Variants in DDX10 observed in about 807,000 individuals in gnomAD.
DDX10 encodes probable ATP-dependent RNA helicase DDX10.
A neutral mutation model predicts 104.3 loss-of-function variants in DDX10; 74 were observed. That is an observed-to-expected ratio of 0.71 (90% CI 0.59 to 0.86). The LOEUF (loss-of-function observed/expected upper bound fraction) is 0.86. DDX10 is among the 40% of genes least tolerant of loss of function. The probability of loss-of-function intolerance (pLI) is 0.00; values close to 1 mark genes in which losing one functional copy is unlikely to be tolerated. For synonymous variants in DDX10, 351 were observed against 353.4 expected, an observed-to-expected ratio of 0.99 and a Z score of 0.08; for missense variants, 952 against 1,040.0, an observed-to-expected ratio of 0.92 and a Z score of 1.16.
chr11:108,730,066 C>T (rs1713123887), intron 13 of DDX10: 2 of 152,768 alleles, frequency 1.3e-5, no homozygotes, highest in South Asian at 4.1e-4. Flanking sequence ...AGAGTAAAAG[C>T]TTACCTTCCA....
intron 14 of DDX10, among the ~76,000 whole-genome samples, chr11:108,839,078 A>G (rs963627485): frequency 2.6e-5 from 4 of 152,234 alleles, no homozygotes; most frequent in Non-Finnish European, 4.4e-5. Context: ...TATTGTAAAT[A>G]CATACCCATA....
chr11:108,719,980 G>C, intron 12 of DDX10, 95 bp downstream of exon 12: 1 of 817,628 alleles, frequency 1.2e-6, no homozygotes, highest in East Asian at 2.7e-5. Flanking sequence ...TGTTGCCCAG[G>C]CTGTCTCAAA....
At chr11:108,824,077 C>G (rs1296483358) in intron 13 of DDX10, among the ~76,000 whole-genome samples, 1 of 152,150 alleles carries the variant, frequency 6.6e-6, no homozygotes, top group African/African-American at 2.4e-5. Flanking sequence ...GGGTCTTGCT[C>G]TGTGTCCCAG....
At position 108,938,085 on chromosome 11, in the gene DDX10, T is replaced by G. The variant is rs560422297; in HGVS notation, c.2451-2161T>G. 4.6e-5 allele frequency among the ~76,000 whole-genome samples: 7 copies of G among 152,304 alleles called. No homozygotes were observed. The South Asian group carries it at 1.5e-3, about 32-fold the overall frequency. On this transcript the variant is annotated intron_variant, in intron 17 of 17. Coordinates refer to ENST00000322536, the MANE Select transcript of DDX10 (RefSeq NM_004398.4). ...CTCGGCTTAGTGGAGAACACTAATT[T>G]CACTCCTTTTTCGACCTCTATTGCA... is the stretch of plus-strand genomic sequence containing the variant.
chr11:108,903,790 T>C (rs982506226), intron 16 of DDX10, among the ~76,000 whole-genome samples: 2 of 152,158 alleles, frequency 1.3e-5, no homozygotes, highest in South Asian at 4.1e-4. Flanking sequence ...TTCCATCGTA[T>C]GGGTAGCCCA....
intron 13 of DDX10, among the ~76,000 whole-genome samples, chr11:108,749,869 T>C (rs1366220879): frequency 6.6e-6 from 1 of 152,200 alleles, no homozygotes; most frequent in African/African-American, 2.4e-5. Flanking sequence ...AGCTGTATTT[T>C]ACTGAAATTT....
intron 13 of DDX10, among the ~76,000 whole-genome samples, chr11:108,729,674 AG>A (rs1453208165): frequency 6.6e-6 from 1 of 152,016 alleles, no homozygotes; most frequent in Non-Finnish European, 1.5e-5. Flanking sequence ...ACATCAGGCC[AG>A]GCATAGTGGC....
rs368030768 is a variant in DDX10, at chr11:108,691,998, T to C, written c.1098T>C (p.Ala366=). ...ATAATGAGTTTGTCCGTAAGAGAGC[T>C]GCAGTACTCTTTGCTACTGATATTG... The part of the protein sequence containing the change: ...EVYNEFVRKR[A]AVLFATDIAA... The change falls in exon 8 of 18, where the codon GCT becomes GCC. Residue 366 remains alanine (A), a synonymous_variant. Coordinates refer to ENST00000322536, the MANE Select transcript of DDX10 (RefSeq NM_004398.4). 9 of 1,613,642 alleles carry C rather than the reference T, an allele frequency of 5.6e-6. No individual in the cohort carries two copies. The African/African-American group carries it at 1.2e-4, about 22-fold the overall frequency.
intron 13 of DDX10, among the ~76,000 whole-genome samples, chr11:108,789,396 G>A (rs953584453): frequency 2.6e-5 from 4 of 152,138 alleles, no homozygotes; most frequent in African/African-American, 4.8e-5. Context: ...TTAAAAACTC[G>A]TGAAAGATGT....
intron 1 of DDX10, among the ~76,000 whole-genome samples, chr11:108,668,305 C>T (rs2094212600): frequency 6.6e-6 from 1 of 152,132 alleles, no homozygotes; most frequent in Non-Finnish European, 1.5e-5. Flanking sequence ...AGTCTGATAC[C>T]AGTGCACCAA....
At chr11:108,929,495 C>A (rs1863950133) in intron 17 of DDX10, 2 of 152,208 alleles carry the variant, frequency 1.3e-5, no homozygotes, top group Non-Finnish European at 2.9e-5. Flanking sequence ...TTAGGAGATT[C>A]CTTGGCTGCT....
intron 13 of DDX10, among the ~76,000 whole-genome samples, chr11:108,752,644 C>T (rs1365677161): frequency 6.6e-6 from 1 of 152,056 alleles, no homozygotes; most frequent in Non-Finnish European, 1.5e-5. Context: ...GCCAGATTGC[C>T]ACATGCCATG....
At chr11:108,900,843 G>T (rs1863508128) in intron 16 of DDX10, among the ~76,000 whole-genome samples, 1 of 152,142 alleles carries the variant, frequency 6.6e-6, no homozygotes, top group Non-Finnish European at 1.5e-5. Context: ...AAAGAAGGGT[G>T]ACTTGGTACC....
At chr11:108,869,589 T>A (rs1447081359) in intron 16 of DDX10, among the ~76,000 whole-genome samples, 1 of 152,150 alleles carries the variant, frequency 6.6e-6, no homozygotes, top group African/African-American at 2.4e-5. Flanking sequence ...TAAGTCTTGC[T>A]GTAAATTTCA....
chr11:108,781,820 G>A lies in DDX10; in HGVS notation c.1966-56626G>A, dbSNP rs1038407394. Among the ~76,000 whole-genome samples the A allele has an allele frequency of 5.3e-5, 8 of 151,974 alleles. No individual in the cohort carries two copies. In the East Asian group the frequency reaches 7.7e-4, roughly 15 times the overall value. ...TTTTTCTGGTAGAAATAAAATTAGC[G>A]AGATAATGAATAGGACAACTGAATT... On this transcript the variant is annotated intron_variant, in intron 13 of 17. Transcript: ENST00000322536.
chr11:108,851,697 A>G (rs1862795174), intron 15 of DDX10, among the ~76,000 whole-genome samples: 1 of 149,498 alleles, frequency 6.7e-6, no homozygotes, highest in Admixed American at 6.6e-5. Context: ...GATTTGGCAC[A>G]TGAAGACCCG....
At chr11:108,677,293 A>T in intron 4 of DDX10, 50 bp downstream of exon 4, 1 of 1,530,184 alleles carries the variant, frequency 6.5e-7, no homozygotes, top group Non-Finnish European at 8.9e-7. Context: ...CCTATACTGG[A>T]GTACTGTGGC....
Position 108,771,489 on chromosome 11 carries a change from C to T in DDX10, c.1965+48027C>T, listed in dbSNP as rs184266506. On this transcript the variant is annotated intron_variant, in intron 13 of 17. Coordinates refer to ENST00000322536, the MANE Select transcript of DDX10 (RefSeq NM_004398.4). ...CCTCCCAAGTAGCTGGGACTACAGG[C>T]GCCTGCCACCACGTCCAGCTAATTT... Among the ~76,000 whole-genome samples the T allele has an allele frequency of 6.6e-5, 10 of 152,166 alleles. No individual in the cohort carries two copies. In the East Asian group the frequency reaches 1.4e-3, roughly 21 times the overall value.
chr11:108,777,234 A>G (rs1396233008), intron 13 of DDX10, among the ~76,000 whole-genome samples: 1 of 152,162 alleles, frequency 6.6e-6, no homozygotes, highest in Non-Finnish European at 1.5e-5. Flanking sequence ...TGCTATGAGA[A>G]TGTTTGATAT....
Sources: gnomAD v4.1 joint callset for allele counts (sites outside exome capture counted in the v4.1 genomes callset) on GRCh38, gnomAD v4.1.1 for gene constraint, MANE v1.5 for transcripts, NCBI Gene and HGNC (gene_info 2026-07-23, HGNC 2026-07-21) for gene names.